PDE1A: variants seen among roughly 807,000 people sequenced by gnomAD.
PDE1A encodes dual specificity calcium/calmodulin-dependent 3',5'-cyclic nucleotide phosphodiesterase 1A.
PDE1A carries 35 observed loss-of-function variants against 61.7 expected under a neutral mutation model. That is an observed-to-expected ratio of 0.57 (90% CI 0.43 to 0.75). The LOEUF (loss-of-function observed/expected upper bound fraction) is 0.75, where lower values mean the gene tolerates loss of function less well. Ranked by LOEUF, PDE1A falls within the 30% of genes least tolerant of loss-of-function variation. The probability of loss-of-function intolerance (pLI) is 0.00; values close to 1 mark genes in which losing one functional copy is unlikely to be tolerated. For synonymous variants in PDE1A, 232 were observed against 213.2 expected, an observed-to-expected ratio of 1.09 and a Z score of -0.77; for missense variants, 597 against 630.6, an observed-to-expected ratio of 0.95 and a Z score of 0.57.
the PDE1A span, among the ~76,000 whole-genome samples, chr2:182,684,249 CA>C: frequency 6.6e-6 from 1 of 151,578 alleles, no homozygotes; most frequent in Non-Finnish European, 1.5e-5. Context: ...AATAAACTGC[CA>C]AAAATACTAA....
chr2:182,396,686 G>T (rs183175516), intron 1 of PDE1A, among the ~76,000 whole-genome samples: 2 of 152,222 alleles, frequency 1.3e-5, no homozygotes, highest in East Asian at 3.9e-4. Flanking sequence ...TTATCTTTAT[G>T]TAATAGCATT....
intron 13 of PDE1A, among the ~76,000 whole-genome samples, chr2:182,170,748 C>T (rs1373886988): frequency 6.6e-6 from 1 of 152,014 alleles, no homozygotes; most frequent in African/African-American, 2.4e-5. Context: ...TAATAAAACT[C>T]AGTGTATTTC....
At chr2:182,519,447 G>A (rs1053897763) in intron 2 of PDE1A, among the ~76,000 whole-genome samples, 1 of 151,928 alleles carries the variant, frequency 6.6e-6, no homozygotes, top group Non-Finnish European at 1.5e-5. Context: ...TGTAATATAA[G>A]AAGAAAATTA....
At chr2:182,446,505 A>G (rs1685144431) in intron 2 of PDE1A, among the ~76,000 whole-genome samples, 1 of 152,088 alleles carries the variant, frequency 6.6e-6, no homozygotes, top group Admixed American at 6.6e-5. Flanking sequence ...ACCTTGACTG[A>G]GACTAAGTAT....
At chr2:182,527,328 ATATATAT>A (rs1249615355), upstream of PDE1A, among the ~76,000 whole-genome samples, 19 of 9,204 alleles carry the variant, frequency 2.1e-3, no homozygotes, top group Non-Finnish European at 3.1e-3. Context: ...AAAAAAAAAA[ATATATAT>A]ATATATATAT....
chr2:182,283,383 TG>T (rs780106633), intron 1 of PDE1A, among the ~76,000 whole-genome samples: 23 of 151,822 alleles, frequency 1.5e-4, no homozygotes, highest in Non-Finnish European at 3.1e-4. Flanking sequence ...AACATGGTTT[TG>T]GTATAAAGGG....
chr2:182,184,173 T>C (rs1685019788), intron 13 of PDE1A, among the ~76,000 whole-genome samples: 3 of 151,648 alleles, frequency 2.0e-5, no homozygotes, highest in Admixed American at 2.0e-4. Context: ...AAGAAAAATA[T>C]TGAACAAAAT....
chr2:182,568,931 T>C, the PDE1A span, among the ~76,000 whole-genome samples: 3 of 152,084 alleles, frequency 2.0e-5, no homozygotes, highest in East Asian at 1.9e-4. Context: ...AAGTTGCAAA[T>C]TGAAAAAAAT....
intron 2 of PDE1A, among the ~76,000 whole-genome samples, chr2:182,460,772 G>GA (rs1248876563): frequency 6.6e-6 from 1 of 152,112 alleles, no homozygotes; most frequent in African/African-American, 2.4e-5. Context: ...CTACAAATTA[G>GA]AAAATATCAG....
chr2:182,574,971 T>C, the PDE1A span, among the ~76,000 whole-genome samples: 4 of 152,210 alleles, frequency 2.6e-5, no homozygotes, highest in Non-Finnish European at 5.9e-5. Flanking sequence ...ATTACAAGCA[T>C]GAGCCACCGT....
the PDE1A span, among the ~76,000 whole-genome samples, chr2:182,578,792 G>A: frequency 2.0e-5 from 3 of 152,258 alleles, no homozygotes; most frequent in East Asian, 5.8e-4. Flanking sequence ...ATGGTAGACA[G>A]TGAGGTGCTA....
intron 9 of PDE1A, 26 bp downstream of exon 9, chr2:182,201,662 A>AAAC (rs1263009750): frequency 5.2e-6 from 8 of 1,544,914 alleles, no homozygotes; most frequent in Non-Finnish European, 6.1e-6. Context: ...AAAAAAAAAA[A>AAAC]ACAACAAAAA....
chr2:182,611,665 C>T, the PDE1A span, among the ~76,000 whole-genome samples: 1 of 151,836 alleles, frequency 6.6e-6, no homozygotes, highest in African/African-American at 2.4e-5. Context: ...AAAGACGGTG[C>T]TTTTACAGCA....
intron 1 of PDE1A, among the ~76,000 whole-genome samples, chr2:182,359,245 C>T (rs1225036394): frequency 2.0e-5 from 3 of 152,072 alleles, no homozygotes; most frequent in African/African-American, 7.2e-5. Flanking sequence ...AACCAGAATC[C>T]ATTTGAAGCA....
At chr2:182,404,793 C>T (rs894936086) in intron 1 of PDE1A, among the ~76,000 whole-genome samples, 4 of 152,168 alleles carry the variant, frequency 2.6e-5, no homozygotes, top group African/African-American at 4.8e-5. Flanking sequence ...ACGCATGGAG[C>T]TGTCATCTCC....
intron 2 of PDE1A, among the ~76,000 whole-genome samples, chr2:182,520,072 C>T (rs1690470688): frequency 6.6e-6 from 1 of 151,712 alleles, no homozygotes; most frequent in African/African-American, 2.4e-5. Context: ...AATTCTAGTA[C>T]CAGCAATTTT....
chr2:182,211,655 C>CA (rs1687612541), intron 7 of PDE1A, among the ~76,000 whole-genome samples: 3 of 152,148 alleles, frequency 2.0e-5, no homozygotes, highest in African/African-American at 7.2e-5. Context: ...CATGAAATAT[C>CA]TGTCCCTGTA....
upstream of PDE1A, among the ~76,000 whole-genome samples, chr2:182,431,141 A>C (rs866088867): frequency 3.7e-3 from 487 of 131,492 alleles, 8 homozygotes; most frequent in African/African-American, 0.012. Context: ...AAAAAAAAAA[A>C]CACAACACTG....
chr2:182,420,744 G>GT (rs1441364839), intron 1 of PDE1A, among the ~76,000 whole-genome samples: 1 of 152,140 alleles, frequency 6.6e-6, no homozygotes, highest in Non-Finnish European at 1.5e-5. Context: ...ATAACAAAAC[G>GT]TAAGACTTCA....
Sources: gnomAD v4.1 joint callset for allele counts (sites outside exome capture counted in the v4.1 genomes callset) on GRCh38, gnomAD v4.1.1 for gene constraint, MANE v1.5 for transcripts, NCBI Gene and HGNC (gene_info 2026-07-23, HGNC 2026-07-21) for gene names.